Variants in CLSTN2 observed in about 807,000 individuals in gnomAD.
CLSTN2 encodes calsyntenin-2.
In CLSTN2, 48 loss-of-function variants were observed where a neutral mutation model predicts 101.2. That is an observed-to-expected ratio of 0.47 (90% confidence interval 0.38 to 0.60). The LOEUF is 0.60. Among genes scored for constraint, CLSTN2 ranks in the 20% least tolerant of loss-of-function variants. The pLI is 0.00. For synonymous variants in CLSTN2, 481 were observed against 463.6 expected, an observed-to-expected ratio of 1.04 and a Z score of -0.48; for missense variants, 1,160 against 1,238.2, an observed-to-expected ratio of 0.94 and a Z score of 0.95.
At chr3:139,940,469 GCAC>G (rs1935107059) in intron 1 of CLSTN2, among the ~76,000 whole-genome samples, 1 of 152,094 alleles carries the variant, frequency 6.6e-6, no homozygotes, top group Admixed American at 6.5e-5. Context: ...CATGTAAAAT[GCAC>G]TAAATATACA....
intron 7 of CLSTN2, chr3:140,462,730 A>G (rs1340532822): frequency 1.3e-5 from 2 of 152,150 alleles, no homozygotes; most frequent in East Asian, 3.9e-4. Context: ...ACCTCCTGTC[A>G]TTGTCCAGCA....
chr3:140,472,042 T>G (rs1933861897), intron 8 of CLSTN2, among the ~76,000 whole-genome samples: 1 of 152,146 alleles, frequency 6.6e-6, no homozygotes, highest in Non-Finnish European at 1.5e-5. Context: ...TTTGTGAATG[T>G]TTCCAATTCT....
At chr3:140,381,661 A>T (rs573316758) in intron 2 of CLSTN2, among the ~76,000 whole-genome samples, 1 of 152,340 alleles carries the variant, frequency 6.6e-6, no homozygotes, top group East Asian at 1.9e-4. Flanking sequence ...TAGGGCTGAC[A>T]TCATGGCCTT....
chr3:140,404,695 C>A lies in CLSTN2; in HGVS notation c.566C>A (p.Ser189Tyr), dbSNP rs1480408352. The A allele has an allele frequency of 6.2e-7, 1 of 1,614,174 alleles. No homozygotes were observed. The highest frequency in any genetic ancestry group is 1.1e-5 in the South Asian group (1 of 91,084). Residue 189 changes from serine (S) to tyrosine (Y), a missense_variant, in exon 4 of 17, where the codon TCC becomes TAC. Coordinates refer to ENST00000458420, the MANE Select transcript of CLSTN2 (RefSeq NM_022131.3). ...GTGGAGGCCATTGACGAGGACTGCTCCCCACAGTACAGCCAGATCTGCAAC... is the reference window on the plus strand; with the variant it reads ...GTGGAGGCCATTGACGAGGACTGCTACCCACAGTACAGCCAGATCTGCAAC... ...LQVEAIDEDCSPQYSQICNYE... is the reference protein window; with the variant it reads ...LQVEAIDEDCYPQYSQICNYE...
Position 140,394,744 on chromosome 3 carries a change from C to G in CLSTN2, c.233-8885C>G, listed in dbSNP as rs968634257. On this transcript the variant is annotated intron_variant, in intron 2 of 16. Transcript: ENST00000458420. The stretch of plus-strand genomic sequence containing the variant: ...CACAGAACGATGTAGGCTGTTTTCA[C>G]TGTTCCCCTAAATAAGTGCCTGACC... Among the ~76,000 whole-genome samples the G allele has an allele frequency of 4.6e-5, 7 of 152,216 alleles. No homozygotes were observed. In the East Asian group the frequency reaches 9.6e-4, roughly 21 times the overall value.
At chr3:140,293,938 C>T (rs2086977891) in intron 2 of CLSTN2, among the ~76,000 whole-genome samples, 1 of 152,172 alleles carries the variant, frequency 6.6e-6, no homozygotes, top group Non-Finnish European at 1.5e-5. Context: ...GCATCAAAGA[C>T]TGAGATGCAA....
At chr3:140,144,570 C>T (rs761281595) in intron 1 of CLSTN2, among the ~76,000 whole-genome samples, 5 of 152,030 alleles carry the variant, frequency 3.3e-5, no homozygotes, top group Non-Finnish European at 7.4e-5. Context: ...GAGCCAAGAT[C>T]GCGCCACTGC....
chr3:140,420,072 T>G (rs1182261324), intron 4 of CLSTN2, among the ~76,000 whole-genome samples: 1 of 151,386 alleles, frequency 6.6e-6, no homozygotes, highest in East Asian at 2.0e-4. Context: ...TTTGTTTTTT[T>G]AAATAGAGAT....
chr3:140,021,598 G>C (rs981258949), intron 1 of CLSTN2, among the ~76,000 whole-genome samples: 5 of 152,096 alleles, frequency 3.3e-5, no homozygotes, highest in African/African-American at 1.2e-4. Flanking sequence ...GCTGGGGTTG[G>C]TTTGTAATTT....
At chr3:140,094,615 T>C (rs1205597289) in intron 1 of CLSTN2, among the ~76,000 whole-genome samples, 1 of 152,206 alleles carries the variant, frequency 6.6e-6, no homozygotes, top group Admixed American at 6.5e-5. Context: ...TCAAAACTCT[T>C]TCTAATTTAA....
chr3:140,183,071 A>G (rs890343071), intron 2 of CLSTN2, among the ~76,000 whole-genome samples: 4 of 152,156 alleles, frequency 2.6e-5, no homozygotes, highest in African/African-American at 9.7e-5. Context: ...CATGGGTTTC[A>G]TGGTCTGATT....
At chr3:139,936,924 A>G (rs1442152921) in intron 1 of CLSTN2, among the ~76,000 whole-genome samples, 1 of 152,162 alleles carries the variant, frequency 6.6e-6, no homozygotes, top group East Asian at 1.9e-4. Flanking sequence ...AAATTTCATG[A>G]GAGAAAAACT....
rs548681144 is a variant in CLSTN2 at position 140,261,415 on chromosome 3, A to C, written c.232+85342A>C. Among the ~76,000 whole-genome samples, 10 of 152,218 alleles carry C rather than the reference A, an allele frequency of 6.6e-5. No individual in the cohort carries two copies. In the East Asian group the frequency reaches 1.2e-3, roughly 18 times the overall value. On this transcript the variant is annotated intron_variant, in intron 2 of 16. Coordinates refer to ENST00000458420, the MANE Select transcript of CLSTN2 (RefSeq NM_022131.3). ...TCCTGTTTCCCTTTAATATATCCCC[A>C]TCACTGTCTTTTGGTTTTTGGGTTT...
At chr3:140,047,851 T>C (rs1388310749) in intron 1 of CLSTN2, among the ~76,000 whole-genome samples, 1 of 152,216 alleles carries the variant, frequency 6.6e-6, no homozygotes, top group South Asian at 2.1e-4. Context: ...AATCACCTTT[T>C]AAAGGCCTCA....
At chr3:140,068,318 C>T (rs752000218) in intron 1 of CLSTN2, among the ~76,000 whole-genome samples, 10 of 152,168 alleles carry the variant, frequency 6.6e-5, no homozygotes, top group Admixed American at 2.6e-4. Context: ...GCTCTTTGGG[C>T]CTTAGAATCT....
chr3:140,555,197 T>C (rs1935770923), intron 10 of CLSTN2, among the ~76,000 whole-genome samples: 1 of 152,214 alleles, frequency 6.6e-6, no homozygotes, highest in African/African-American at 2.4e-5. Flanking sequence ...ATGAACTGGT[T>C]ATTAAATCTT....
chr3:140,553,104 G>A (rs1935736235), intron 10 of CLSTN2, among the ~76,000 whole-genome samples: 1 of 152,168 alleles, frequency 6.6e-6, no homozygotes, highest in Non-Finnish European at 1.5e-5. Context: ...ATATGCCTGG[G>A]GGCTCCAAGA....
In CLSTN2 at chr3:140,212,911, C is replaced by T. The variant is rs970041649; in HGVS notation, c.232+36838C>T. On this transcript the variant is annotated intron_variant, in intron 2 of 16. Transcript: ENST00000458420. ...TCATTCCCTGTTGTGATTGCTGGCTCTCTAGCATAGGCTCCTTGAGGGAAG... is the reference window on the plus strand; with the variant it reads ...TCATTCCCTGTTGTGATTGCTGGCTTTCTAGCATAGGCTCCTTGAGGGAAG... 3.9e-5 allele frequency among the ~76,000 whole-genome samples: 6 copies of T among 152,178 alleles called. No individual in the cohort carries two copies. The South Asian group carries it at 1.2e-3, about 31-fold the overall frequency.
At chr3:140,380,170 C>T (rs1307671748) in intron 2 of CLSTN2, among the ~76,000 whole-genome samples, 1 of 152,202 alleles carries the variant, frequency 6.6e-6, no homozygotes, top group Non-Finnish European at 1.5e-5. Context: ...ATTGAGCCAG[C>T]TCTGACAACA....
Sources: gnomAD v4.1 joint callset for allele counts (sites outside exome capture counted in the v4.1 genomes callset) on GRCh38, gnomAD v4.1.1 for gene constraint, MANE v1.5 for transcripts, NCBI Gene and HGNC (gene_info 2026-07-23, HGNC 2026-07-21) for gene names.